FGD4: variants seen among roughly 807,000 people sequenced by gnomAD.
FGD4 encodes the protein FYVE, RhoGEF and PH domain-containing protein 4.
In FGD4, 42 loss-of-function variants were observed where a neutral mutation model predicts 102.0. The ratio of observed to expected loss-of-function variants is 0.41; its 90% confidence interval spans 0.32 to 0.53. The LOEUF (loss-of-function observed/expected upper bound fraction) is 0.53, where lower values mean the gene tolerates loss of function less well. FGD4 is among the 20% of genes least tolerant of loss of function. FGD4 has a pLI of 0.21. For missense variants in FGD4, 902 were observed against 1,078.2 expected, an observed-to-expected ratio of 0.84 and a Z score of 2.29; for synonymous variants, 380 against 375.7, an observed-to-expected ratio of 1.01 and a Z score of -0.13.
intron 1 of FGD4, among the ~76,000 whole-genome samples, chr12:32,533,067 G>A (rs1333160316): frequency 6.6e-6 from 1 of 152,130 alleles, no homozygotes; most frequent in Non-Finnish European, 1.5e-5. Context: ...TAGCAGGTGT[G>A]CAATTTAGCA....
chr12:32,445,285 A>G (rs943246388), intron 1 of FGD4, among the ~76,000 whole-genome samples: 1 of 152,246 alleles, frequency 6.6e-6, no homozygotes, highest in Non-Finnish European at 1.5e-5. Context: ...TCATAATGTG[A>G]CTGTTTTAAA....
intron 1 of FGD4, among the ~76,000 whole-genome samples, chr12:32,501,197 G>A (rs1733294883): frequency 6.6e-6 from 1 of 152,200 alleles, no homozygotes; most frequent in Non-Finnish European, 1.5e-5. Context: ...GACTACAGGT[G>A]CGCACCACCA....
intron 1 of FGD4, among the ~76,000 whole-genome samples, chr12:32,520,055 A>G (rs73303506): frequency 0.028 from 4,202 of 152,304 alleles, 190 homozygotes; most frequent in African/African-American, 0.095. Flanking sequence ...GAAATTTGCC[A>G]GAATAATTTT....
chr12:32,520,442 T>TTG (rs1940408419), intron 1 of FGD4, among the ~76,000 whole-genome samples: 1 of 147,944 alleles, frequency 6.8e-6, no homozygotes, highest in African/African-American at 2.5e-5. Context: ...TGTTTTTTGT[T>TTG]TTTTTTTTTT....
At chr12:32,501,625 T>G (rs2136621490) in intron 1 of FGD4, among the ~76,000 whole-genome samples, 1 of 152,362 alleles carries the variant, frequency 6.6e-6, no homozygotes, top group Non-Finnish European at 1.5e-5. Flanking sequence ...GAAATTATTA[T>G]TTTATAACAC....
chr12:32,515,092 C>CAGAA (rs1329303896), intron 1 of FGD4, among the ~76,000 whole-genome samples: 3 of 152,122 alleles, frequency 2.0e-5, no homozygotes, highest in African/African-American at 7.2e-5. Context: ...TTAGATTGAA[C>CAGAA]AGAACTAAGG....
At chr12:32,478,331 C>T (rs746065272) in intron 1 of FGD4, among the ~76,000 whole-genome samples, 1 of 152,060 alleles carries the variant, frequency 6.6e-6, no homozygotes, top group Non-Finnish European at 1.5e-5. Flanking sequence ...GCCACGATCT[C>T]GGCTTTCACT....
intron 5 of FGD4, among the ~76,000 whole-genome samples, 193 bp downstream of exon 5, chr12:32,598,779 T>C (rs780945854): frequency 3.1e-4 from 47 of 152,350 alleles, no homozygotes; most frequent in Non-Finnish European, 4.6e-4. Flanking sequence ...TTCTAATTTG[T>C]AAAGAGTAGA....
chr12:32,603,998 TC>T (rs896339714), intron 7 of FGD4, among the ~76,000 whole-genome samples: 3 of 152,028 alleles, frequency 2.0e-5, no homozygotes, highest in East Asian at 1.9e-4. Context: ...TATATGGAGA[TC>T]CCCCCCAGCA....
At chr12:32,489,592 G>T (rs1423968072) in intron 1 of FGD4, among the ~76,000 whole-genome samples, 1 of 152,160 alleles carries the variant, frequency 6.6e-6, no homozygotes, top group African/African-American at 2.4e-5. Flanking sequence ...TTTACAAGAG[G>T]AAAGTTTATG....
At chr12:32,446,949 T>C (rs1391361086) in intron 1 of FGD4, among the ~76,000 whole-genome samples, 2 of 152,164 alleles carry the variant, frequency 1.3e-5, no homozygotes, top group Non-Finnish European at 2.9e-5. Flanking sequence ...AGTCCAGTTA[T>C]TGTGAGCAGC....
intron 4 of FGD4, among the ~76,000 whole-genome samples, chr12:32,594,556 C>G (rs1249361309): frequency 6.6e-6 from 1 of 152,176 alleles, no homozygotes; most frequent in African/African-American, 2.4e-5. Context: ...AACCATCCCT[C>G]TCTCCCCACC....
At chr12:32,487,340 T>C (rs2136563150) in intron 1 of FGD4, among the ~76,000 whole-genome samples, 1 of 152,362 alleles carries the variant, frequency 6.6e-6, no homozygotes, top group Non-Finnish European at 1.5e-5. Flanking sequence ...TTTAAATTTA[T>C]GAATATTACC....
At position 32,644,822 on chromosome 12, in the gene FGD4, T is replaced by C. The variant is rs1277471999; in HGVS notation, c.*4289T>C. On this transcript the variant is annotated 3_prime_UTR_variant, in exon 17 of 17. Transcript: ENST00000534526. Reference sequence around the variant, plus strand: ...CTAGACTATGATATCTTGTTATTCTTTTTCTCCTTTGGGCTTTTAAAAAAT... The same window carrying C: ...CTAGACTATGATATCTTGTTATTCTCTTTCTCCTTTGGGCTTTTAAAAAAT... 2.0e-5 allele frequency: 3 copies of C among 152,176 alleles called. No individual in the cohort carries two copies. The highest frequency in any genetic ancestry group is 4.4e-5 in the Non-Finnish European group (3 of 68,028). 9.4% of individuals were successfully genotyped at this position (152,176 alleles called of 1,614,324 possible).
At chr12:32,624,485 T>TG in intron 12 of FGD4, 33 bp downstream of exon 12, 1 of 1,562,486 alleles carries the variant, frequency 6.4e-7, no homozygotes, top group South Asian at 1.1e-5. Context: ...TTTCTTTCTT[T>TG]TTTTTTTTGA....
chr12:32,597,078 A>G (rs1361792678), intron 4 of FGD4, among the ~76,000 whole-genome samples: 1 of 152,236 alleles, frequency 6.6e-6, no homozygotes, highest in East Asian at 1.9e-4. Context: ...ACATTCAGAG[A>G]CAATGGCTTA....
chr12:32,405,249 G>C (rs1473459338), intron 1 of FGD4, among the ~76,000 whole-genome samples: 1 of 138,006 alleles, frequency 7.2e-6, no homozygotes, highest in African/African-American at 2.8e-5. Context: ...ACAGTTTAAA[G>C]AGCAGTCAGT....
At chr12:32,494,235 T>C (rs1937643383) in intron 1 of FGD4, among the ~76,000 whole-genome samples, 1 of 152,148 alleles carries the variant, frequency 6.6e-6, no homozygotes, top group African/African-American at 2.4e-5. Flanking sequence ...TTTATTTTTG[T>C]AGAGATGAGA....
chr12:32,475,100 T>C (rs746541457), intron 1 of FGD4, among the ~76,000 whole-genome samples: 1 of 152,198 alleles, frequency 6.6e-6, no homozygotes, highest in Non-Finnish European at 1.5e-5. Context: ...TATATCCTTG[T>C]TGAGGAACTA....
Sources: gnomAD v4.1 joint callset for allele counts (sites outside exome capture counted in the v4.1 genomes callset) on GRCh38, gnomAD v4.1.1 for gene constraint, MANE v1.5 for transcripts, NCBI Gene and HGNC (gene_info 2026-07-23, HGNC 2026-07-21) for gene names.